NGLY1: variants seen among roughly 807,000 people sequenced by gnomAD.
NGLY1 encodes N-glycanase 1, also known as peptide-N(4)-(N-acetyl-beta-glucosaminyl)asparagine amidase.
Under a neutral mutation model 84.6 loss-of-function variants are expected in NGLY1, and 68 were observed. That is an observed-to-expected ratio of 0.80 (90% CI 0.66 to 0.98). The LOEUF (loss-of-function observed/expected upper bound fraction) is 0.98. NGLY1 is among the 50% of genes least tolerant of loss of function. The pLI, the probability that NGLY1 is intolerant of heterozygous loss-of-function variation, is 0.00. For missense variants in NGLY1, 779 were observed against 770.2 expected (o/e 1.01, Z -0.14); for synonymous variants, 280 against 275.2 (o/e 1.02, Z -0.17).
At chr3:25,755,761 T>A in intron 3 of NGLY1, 1 of 835,792 alleles carries the variant, frequency 1.2e-6, no homozygotes, top group South Asian at 1.9e-5. Flanking sequence ...ATTCTAGATC[T>A]TCTCGTTTTA....
At chr3:25,741,159 A>G (rs1056692374) in intron 4 of NGLY1, among the ~76,000 whole-genome samples, 4 of 151,720 alleles carry the variant, frequency 2.6e-5, no homozygotes, top group Non-Finnish European at 4.4e-5. Flanking sequence ...AAAATTGACA[A>G]GCTAACTACA....
intron 2 of NGLY1, among the ~76,000 whole-genome samples, chr3:25,766,311 C>G (rs948294446): frequency 6.6e-5 from 10 of 152,196 alleles, no homozygotes; most frequent in Non-Finnish European, 1.2e-4. Flanking sequence ...AGGTGATCCG[C>G]CCACCACAGC....
intron 4 of NGLY1, chr3:25,750,037 TGGGTAATTTATAAAGAAGA>T: frequency 2.0e-6 from 1 of 495,128 alleles, no homozygotes; most frequent in South Asian, 2.2e-5. Flanking sequence ...TACCTGCAAC[TGGGTAATTTATAAAGAAGA>T]GGTTTAATTG....
intron 3 of NGLY1, among the ~76,000 whole-genome samples, chr3:25,763,479 A>C (rs1179241730): frequency 6.6e-6 from 1 of 152,236 alleles, no homozygotes; most frequent in Non-Finnish European, 1.5e-5. Flanking sequence ...AATGGAATGC[A>C]CATGATCTCA....
At chr3:25,770,731 A>C (rs777791251) in intron 2 of NGLY1, among the ~76,000 whole-genome samples, 1 of 151,992 alleles carries the variant, frequency 6.6e-6, no homozygotes, top group Non-Finnish European at 1.5e-5. Context: ...TTATTTTTTG[A>C]TTCTTTAATT....
At chr3:25,768,848 G>A (rs1012053905) in intron 2 of NGLY1, among the ~76,000 whole-genome samples, 1 of 151,742 alleles carries the variant, frequency 6.6e-6, no homozygotes, top group Admixed American at 6.6e-5. Context: ...GGCCTCATGA[G>A]TAAGACTTTA....
intron 10 of NGLY1, 27 bp from the exon 11 acceptor site, chr3:25,720,218 G>T: frequency 6.4e-7 from 1 of 1,564,370 alleles, no homozygotes; most frequent in Non-Finnish European, 8.7e-7. Flanking sequence ...TGGGGAGAAA[G>T]GAACTGTCAG....
At chr3:25,769,535 T>C (rs1707788198) in intron 2 of NGLY1, among the ~76,000 whole-genome samples, 2 of 152,076 alleles carry the variant, frequency 1.3e-5, no homozygotes, top group Admixed American at 6.5e-5. Context: ...AAATAGCTAT[T>C]ATCAAAAAGA....
chr3:25,755,429 A>G lies in NGLY1; in HGVS notation c.493-4166T>C, dbSNP rs890295779. ...GACCCCACAAACAGTGTCTGTCCCAAATAAAGTTTCAACTCCAATGTCAGT... is the reference window on the plus strand; with the variant it reads ...GACCCCACAAACAGTGTCTGTCCCAGATAAAGTTTCAACTCCAATGTCAGT... On this transcript the variant is annotated intron_variant, in intron 3 of 11. Coordinates refer to ENST00000280700, the MANE Select transcript of NGLY1 (RefSeq NM_018297.4). 6.9e-6 allele frequency: 10 copies of G among 1,457,958 alleles called. 1 individual carries two copies. In the Admixed American group the frequency reaches 1.7e-4, roughly 24 times the overall value. The allele number at this position is 1,457,958 out of a possible 1,614,324, so 90.3% of individuals were successfully genotyped here.
At chr3:25,761,241 T>C (rs1200564704) in intron 3 of NGLY1, among the ~76,000 whole-genome samples, 1 of 152,210 alleles carries the variant, frequency 6.6e-6, no homozygotes, top group Admixed American at 6.5e-5. Context: ...ACTAAATGTA[T>C]ATTTTAAGCA....
intron 4 of NGLY1, chr3:25,749,931 C>T: frequency 1.8e-6 from 1 of 547,872 alleles, no homozygotes; most frequent in South Asian, 2.3e-5. Context: ...TTAAATAAAA[C>T]TGTAAAAACT....
chr3:25,736,047 C>G lies in NGLY1; in HGVS notation c.1106G>C (p.Trp369Ser), dbSNP rs751244487. Residue 369 changes from tryptophan to serine, a missense_variant, in exon 7 of 12, where the codon TGG becomes TCG. Coordinates refer to ENST00000280700, the MANE Select transcript of NGLY1 (RefSeq NM_018297.4). Reference sequence around the variant, plus strand: ...TATGACATAGGAAAGCTTCTTGCCCCATCCTATTTCATAAAGGAGTGGCTT... The same window carrying G: ...TATGACATAGGAAAGCTTCTTGCCCGATCCTATTTCATAAAGGAGTGGCTT... ...CDKPLLYEIG[W>S]GKKLSYVIAF... 2 of 1,613,930 alleles carry G rather than the reference C, an allele frequency of 1.2e-6. No individual in the cohort carries two copies. The highest frequency in any genetic ancestry group is 1.7e-6 in the Non-Finnish European group (2 of 1,179,876).
intron 5 of NGLY1, 95 bp from the exon 6 acceptor site, chr3:25,737,550 T>TC (rs1705901223): frequency 1.1e-5 from 14 of 1,256,606 alleles, no homozygotes; most frequent in African/African-American, 3.1e-5. Context: ...TTTAATTTTT[T>TC]TTTTTTTTTT....
chr3:25,776,438 T>C (rs1009415983), intron 2 of NGLY1, among the ~76,000 whole-genome samples: 2 of 152,236 alleles, frequency 1.3e-5, no homozygotes, highest in African/African-American at 4.8e-5. Context: ...GGCATTTCCT[T>C]GAACAAGGAA....
At chr3:25,782,526 G>A (rs983481) in intron 1 of NGLY1, among the ~76,000 whole-genome samples, 124,015 of 152,030 alleles carry the variant, frequency 0.82, 50,975 homozygotes, top group East Asian at 0.94. Context: ...CCCAAAATCT[G>A]CAAGGTCCCT....
intron 4 of NGLY1, among the ~76,000 whole-genome samples, chr3:25,750,751 A>C (rs916467874): frequency 6.6e-6 from 1 of 152,212 alleles, no homozygotes; most frequent in Non-Finnish European, 1.5e-5. Context: ...GAAATAGGTT[A>C]AGTATTTATA....
Position 25,783,440 on chromosome 3 carries a change from C to T in NGLY1, c.-50G>A. On this transcript the variant is annotated 5_prime_UTR_variant, in exon 1 of 12. The change creates a new upstream start codon in the 5' untranslated region. Transcript: ENST00000280700. The surrounding 1 kb of genome is among the most constrained non-coding windows in gnomAD (Gnocchi z 4.5). ...GCCGCCCCTCGCTCTCCGCGTCCCA[C>T]ACTGAGCAGGCGCCTCAGCGCGCAG... The T allele has an allele frequency of 6.8e-7, 1 of 1,478,162 alleles. No homozygotes were observed. Among genetic ancestry groups the T allele is most frequent in the Non-Finnish European group, 8.9e-7 (1 of 1,119,238 alleles). 91.6% of individuals were successfully genotyped at this position (1,478,162 alleles called of 1,614,324 possible). A position where few individuals can be genotyped will look rare whatever the true frequency, so the allele number is the denominator to read the frequency against.
chr3:25,748,518 T>A (rs2125505993), intron 4 of NGLY1, among the ~76,000 whole-genome samples: 1 of 152,350 alleles, frequency 6.6e-6, no homozygotes, highest in African/African-American at 2.4e-5. Flanking sequence ...GTTCCTATTA[T>A]CCAGTACATC....
At chr3:25,775,586 C>T (rs1397799426) in intron 2 of NGLY1, among the ~76,000 whole-genome samples, 1 of 151,790 alleles carries the variant, frequency 6.6e-6, no homozygotes, top group Non-Finnish European at 1.5e-5. Context: ...GGAGCTAAAA[C>T]AATTGATCCC....
Sources: allele counts gnomAD v4.1 joint callset (sites outside exome capture counted in the v4.1 genomes callset), GRCh38; gene constraint gnomAD v4.1.1; non-coding constraint Gnocchi (gnomAD v3.1); transcripts MANE v1.5; gene names NCBI Gene and HGNC (gene_info 2026-07-23, HGNC 2026-07-21).